The following DOCK9 variants were observed in gnomAD, a reference collection of about 807,000 sequenced individuals.
The protein encoded by DOCK9 is dedicator of cytokinesis 9, also known as dedicator of cytokinesis protein 9.
Under a neutral mutation model 263.3 loss-of-function variants are expected in DOCK9, and 89 were observed. That is an observed-to-expected ratio of 0.34 (90% CI 0.28 to 0.40). The LOEUF (loss-of-function observed/expected upper bound fraction) is 0.40, where lower values mean the gene tolerates loss of function less well. DOCK9 is among the 10% of genes least tolerant of loss of function. The pLI, the probability that DOCK9 is intolerant of heterozygous loss-of-function variation, is 1.00. For synonymous variants in DOCK9, 976 were observed against 973.1 expected (o/e 1.00, Z -0.06); for missense variants, 2,140 against 2,603.4 (o/e 0.82, Z 3.87).
intron 1 of DOCK9, among the ~76,000 whole-genome samples, chr13:99,085,911 T>G (rs2042318197): frequency 2.0e-5 from 3 of 150,856 alleles, no homozygotes; most frequent in African/African-American, 2.4e-5. Flanking sequence ...AGAAAGCAGG[T>G]AAATTGGGAG....
intron 27 of DOCK9, among the ~76,000 whole-genome samples, chr13:98,875,969 GC>G (rs1566810179): frequency 6.6e-6 from 1 of 152,112 alleles, no homozygotes; most frequent in African/African-American, 2.4e-5. Context: ...TAAGCATAAC[GC>G]TGTGCCATGT....
intron 1 of DOCK9, among the ~76,000 whole-genome samples, chr13:99,008,788 G>C (rs1427353232): frequency 6.6e-6 from 1 of 152,134 alleles, no homozygotes; most frequent in African/African-American, 2.4e-5. Flanking sequence ...GGTCCCAGGA[G>C]GATCATTTCC....
intron 48 of DOCK9, among the ~76,000 whole-genome samples, chr13:98,806,956 GC>G (rs575175402): frequency 1.3e-5 from 2 of 151,870 alleles, no homozygotes; most frequent in Non-Finnish European, 2.9e-5. Flanking sequence ...AAGCCATTTG[GC>G]CATTCATTCT....
intron 1 of DOCK9, among the ~76,000 whole-genome samples, chr13:99,029,827 T>C (rs1018939869): frequency 6.6e-6 from 1 of 152,178 alleles, no homozygotes; most frequent in Non-Finnish European, 1.5e-5. Flanking sequence ...CAAAGACTTG[T>C]ATACAAATGT....
chr13:98,807,848 G>A (rs1338631239), intron 47 of DOCK9, 41 bp from the exon 48 acceptor site: 1 of 1,547,856 alleles, frequency 6.5e-7, no homozygotes, highest in African/African-American at 1.4e-5. Context: ...CTGAACGTAA[G>A]CCCAGGGCTT....
At chr13:98,816,478 G>T (rs1037245124) in intron 45 of DOCK9, among the ~76,000 whole-genome samples, 2 of 152,116 alleles carry the variant, frequency 1.3e-5, no homozygotes, top group Non-Finnish European at 2.9e-5. Context: ...CTGGGCGGTA[G>T]TGAGGTCAGG....
chr13:98,902,296 G>T lies in DOCK9; in HGVS notation c.1372C>A (p.Pro458Thr). Residue 458 changes from proline (P) to threonine (T), a missense_variant, in exon 12 of 53, where the codon CCG (proline) becomes ACG (threonine). Pro to Thr is a conservative substitution (Grantham distance 38). Coordinates refer to ENST00000682017, the MANE Select transcript of DOCK9 (RefSeq NM_001366683.2). ...GILHEAAMQY[P>T]KQGIFSVTCP... is the part of the protein sequence containing the mutation. ...GGGCTCATACTCCCCACCTGCTTCG[G>T]ATACTGCATGGCGGCTTCATGAAGG... The T allele has an allele frequency of 6.2e-7, 1 of 1,613,702 alleles. No homozygotes were observed. Among genetic ancestry groups the T allele is most frequent in the Non-Finnish European group, 8.5e-7 (1 of 1,179,828 alleles).
At chr13:98,833,422 C>T (rs1401394563) in intron 39 of DOCK9, among the ~76,000 whole-genome samples, 2 of 152,184 alleles carry the variant, frequency 1.3e-5, no homozygotes, top group African/African-American at 2.4e-5. Flanking sequence ...ACGGTTTCTA[C>T]AAAAATTCCC....
intron 1 of DOCK9, among the ~76,000 whole-genome samples, chr13:99,004,580 T>C (rs912891123): frequency 9.9e-5 from 15 of 152,190 alleles, no homozygotes; most frequent in African/African-American, 3.4e-4. Flanking sequence ...TCATCGGCAA[T>C]TGGCTCCAAG....
intron 26 of DOCK9, 53 bp downstream of exon 26, chr13:98,880,494 T>G: frequency 6.2e-7 from 1 of 1,610,418 alleles, no homozygotes; most frequent in Non-Finnish European, 8.5e-7. Flanking sequence ...GGCTGTGGAG[T>G]GAATTCCTGT....
chr13:98,897,427 C>A (rs2047607096), intron 15 of DOCK9, 61 bp downstream of exon 15: 1 of 1,566,196 alleles, frequency 6.4e-7, no homozygotes, highest in African/African-American at 1.4e-5. Flanking sequence ...CTCCCCTGTT[C>A]CTCCCTCCCC....
intron 2 of DOCK9, among the ~76,000 whole-genome samples, chr13:98,941,531 C>A (rs1264543859): frequency 6.6e-6 from 1 of 152,174 alleles, no homozygotes; most frequent in Non-Finnish European, 1.5e-5. Context: ...ATGTTCAGAA[C>A]CCTTAATAAC....
intron 1 of DOCK9, among the ~76,000 whole-genome samples, chr13:99,079,507 A>G (rs2042042811): frequency 6.6e-6 from 1 of 152,266 alleles, no homozygotes; most frequent in Admixed American, 6.5e-5. Flanking sequence ...TAGTAACATA[A>G]TAAGAGCTTG....
At chr13:98,955,662 G>T in intron 1 of DOCK9, 111 bp from the exon 2 acceptor site, 1 of 695,460 alleles carries the variant, frequency 1.4e-6, no homozygotes. Flanking sequence ...ATTAGAGTAT[G>T]CTAGTTTTGG....
chr13:98,902,375 C>A lies in DOCK9; in HGVS notation c.1293G>T (p.Thr431=). 1 of 1,613,990 alleles carries A rather than the reference C, an allele frequency of 6.2e-7. No homozygotes were observed. The highest frequency in any genetic ancestry group is 1.3e-5 in the African/African-American group (1 of 75,062). Residue 431 remains threonine (T), a synonymous_variant, in exon 12 of 53, where the codon ACG becomes ACT. Coordinates refer to ENST00000682017, the MANE Select transcript of DOCK9 (RefSeq NM_001366683.2). ...CACTGCCATTCATCAGCGCCGGGGA[C>A]GTGGTGGCGAGCATTTGCCTCACTG... is the stretch of plus-strand genomic sequence containing the variant. ...HFSVRQMLAT[T]SPALMNGSGQ...
intron 13 of DOCK9, among the ~76,000 whole-genome samples, chr13:98,900,073 T>G (rs2048043945): frequency 1.3e-5 from 2 of 152,234 alleles, no homozygotes; most frequent in Non-Finnish European, 2.9e-5. Flanking sequence ...AGTAAGATAG[T>G]TGAGCCTTAA....
intron 9 of DOCK9, among the ~76,000 whole-genome samples, chr13:98,910,510 T>G (rs527717117): frequency 2.6e-5 from 4 of 152,188 alleles, no homozygotes; most frequent in African/African-American, 7.2e-5. Flanking sequence ...TCACTCACAC[T>G]GTAAGTAATG....
intron 1 of DOCK9, among the ~76,000 whole-genome samples, chr13:98,992,051 T>C (rs1879929881): frequency 6.6e-6 from 1 of 151,550 alleles, no homozygotes; most frequent in Admixed American, 6.6e-5. Flanking sequence ...GGTGAGATCG[T>C]GTCACACATG....
At chr13:98,867,573 G>A (rs1220388447) in intron 29 of DOCK9, 37 bp from the exon 30 acceptor site, 1 of 1,265,100 alleles carries the variant, frequency 7.9e-7, no homozygotes, top group Non-Finnish European at 1.1e-6. Context: ...ATACCTCACT[G>A]GATATTTTAT....
Sources: gnomAD v4.1 joint callset for allele counts (sites outside exome capture counted in the v4.1 genomes callset) on GRCh38, gnomAD v4.1.1 for gene constraint, MANE v1.5 for transcripts, NCBI Gene and HGNC (gene_info 2026-07-23, HGNC 2026-07-21) for gene names.